PPP1R12B: variants seen among roughly 807,000 people sequenced by gnomAD.
The protein encoded by PPP1R12B is myosin phosphatase target subunit 2.
PPP1R12B carries 76 observed loss-of-function variants against 126.1 expected under a neutral mutation model. The observed-to-expected ratio is 0.60, with a 90% CI of 0.50 to 0.73. PPP1R12B has a LOEUF of 0.73. Among genes scored for constraint, PPP1R12B ranks in the 30% least tolerant of loss-of-function variants. The probability of loss-of-function intolerance (pLI) is 0.00; values close to 1 mark genes in which losing one functional copy is unlikely to be tolerated. For synonymous variants in PPP1R12B, 356 were observed against 434.7 expected (o/e 0.82, Z 2.25); for missense variants, 1,052 against 1,205.1 (o/e 0.87, Z 1.88).
chr1:202,463,350 A>G (rs1042316098), intron 13 of PPP1R12B, among the ~76,000 whole-genome samples: 1 of 152,234 alleles, frequency 6.6e-6, no homozygotes. Context: ...AGTTTCAAGA[A>G]GTAGAAACAT....
chr1:202,569,021 A>G, intron 22 of PPP1R12B, 126 bp from the exon 23 acceptor site: 1 of 944,004 alleles, frequency 1.1e-6, no homozygotes, highest in African/African-American at 1.6e-5. Flanking sequence ...CTCCTGAGTA[A>G]GGTTTGCCTG....
chr1:202,587,537 C>T lies in PPP1R12B; in HGVS notation c.*6977C>T, dbSNP rs1689890700. The T allele has an allele frequency of 6.6e-6, 1 of 152,102 alleles. No individual in the cohort carries two copies. The allele number at this position is 152,102 out of a possible 1,614,324, so 9.4% of individuals were successfully genotyped here. A position where few individuals can be genotyped will look rare whatever the true frequency, so the allele number is the denominator to read the frequency against. On this transcript the variant is annotated 3_prime_UTR_variant, in exon 24 of 24. Transcript: ENST00000608999. ...AGCTTAAAACAGAAGTGTGTCTTCCCAGCACAAACCTAATCAATCAGTGTA... is the reference window on the plus strand; with the variant it reads ...AGCTTAAAACAGAAGTGTGTCTTCCTAGCACAAACCTAATCAATCAGTGTA...
At chr1:202,429,433 C>T (rs1419789123) in intron 6 of PPP1R12B, among the ~76,000 whole-genome samples, 2 of 152,158 alleles carry the variant, frequency 1.3e-5, no homozygotes, top group East Asian at 3.8e-4. Context: ...CATACTTACT[C>T]CAGTTTTATG....
At chr1:202,349,274 C>G (rs1251257644) in intron 1 of PPP1R12B, 132 bp downstream of exon 1, 1 of 1,100,836 alleles carries the variant, frequency 9.1e-7, no homozygotes, top group Non-Finnish European at 1.3e-6. Flanking sequence ...TTGGGCTAAT[C>G]GGTTTCATTC....
At chr1:202,438,389 C>A in intron 10 of PPP1R12B, 1 of 662,502 alleles carries the variant, frequency 1.5e-6, no homozygotes, top group Non-Finnish European at 2.4e-6. Context: ...CCCGTCCCCC[C>A]AGCGGCATGG....
chr1:202,382,601 G>A (rs1662512260), intron 1 of PPP1R12B, among the ~76,000 whole-genome samples: 1 of 151,954 alleles, frequency 6.6e-6, no homozygotes, highest in Non-Finnish European at 1.5e-5. Flanking sequence ...CTGTGGCTGG[G>A]CATGGTGGCT....
rs182737566 is a variant in PPP1R12B, at chr1:202,587,272, T to G, written c.*6712T>G. On this transcript the variant is annotated 3_prime_UTR_variant, in exon 24 of 24. Transcript: ENST00000608999. ...TTCTTAATTCCTTGCTTTTCTCACTTGGAGCCGAGGGTGCTTTAGAGAGGT... is the reference window on the plus strand; with the variant it reads ...TTCTTAATTCCTTGCTTTTCTCACTGGGAGCCGAGGGTGCTTTAGAGAGGT... 2.6e-5 allele frequency: 4 copies of G among 152,328 alleles called. No homozygotes were observed. Among genetic ancestry groups the G allele is most frequent in the African/African-American group, 9.6e-5 (4 of 41,556 alleles). The allele number at this position is 152,328 out of a possible 1,614,324, so 9.4% of individuals were successfully genotyped here. A position where few individuals can be genotyped will look rare whatever the true frequency, so the allele number is the denominator to read the frequency against.
chr1:202,547,560 A>G (rs1352512915), intron 18 of PPP1R12B, among the ~76,000 whole-genome samples: 1 of 152,228 alleles, frequency 6.6e-6, no homozygotes, highest in African/African-American at 2.4e-5. Flanking sequence ...ATAAAATTGC[A>G]AGTGGCTATT....
intron 15 of PPP1R12B, among the ~76,000 whole-genome samples, chr1:202,494,205 T>G (rs1233627646): frequency 6.6e-6 from 1 of 152,230 alleles, no homozygotes; most frequent in Non-Finnish European, 1.5e-5. Context: ...GTATTTTGTT[T>G]TATAAGCTAC....
chr1:202,580,064 C>T (rs1450006579), intron 23 of PPP1R12B, among the ~76,000 whole-genome samples: 3 of 152,120 alleles, frequency 2.0e-5, no homozygotes, highest in Non-Finnish European at 2.9e-5. Flanking sequence ...TGACCACCAC[C>T]CCCTTTCTGA....
At chr1:202,371,963 C>T (rs1417007819) in intron 1 of PPP1R12B, among the ~76,000 whole-genome samples, 1 of 151,106 alleles carries the variant, frequency 6.6e-6, no homozygotes, top group African/African-American at 2.4e-5. Flanking sequence ...CCTCTGCCTC[C>T]CAGGTTCAAG....
rs572136346 is a variant in PPP1R12B, at chr1:202,374,984, C to T, written c.291+25842C>T. ...TTTAGACAGAGGCTCGTTCTGTCGC[C>T]CAGGCCGAAGTGAGATGGTGCGATC... is the stretch of plus-strand genomic sequence containing the variant. On this transcript the variant is annotated intron_variant, in intron 1 of 23. Coordinates refer to ENST00000608999, the MANE Select transcript of PPP1R12B (RefSeq NM_002481.4). Among the ~76,000 whole-genome samples, 5 of 152,258 alleles carry T rather than the reference C, an allele frequency of 3.3e-5. No homozygotes were observed. The East Asian group carries it at 9.6e-4, about 29-fold the overall frequency.
chr1:202,532,904 A>G (rs1684119974), intron 18 of PPP1R12B, among the ~76,000 whole-genome samples: 4 of 113,764 alleles, frequency 3.5e-5, no homozygotes, highest in Non-Finnish European at 4.9e-5. Context: ...AGTTTCACTC[A>G]TGTTGCCCAG....
At chr1:202,469,257 T>G (rs559344866) in intron 13 of PPP1R12B, among the ~76,000 whole-genome samples, 39 of 152,328 alleles carry the variant, frequency 2.6e-4, no homozygotes, top group African/African-American at 9.1e-4. Context: ...TTTTTTTTGT[T>G]ATAATCTACA....
chr1:202,539,186 C>G (rs894740117), intron 18 of PPP1R12B, among the ~76,000 whole-genome samples: 3 of 152,160 alleles, frequency 2.0e-5, no homozygotes, highest in African/African-American at 7.2e-5. Context: ...GTATTCGGAG[C>G]AATCAGCCTT....
rs1306965226 is a variant in PPP1R12B, at chr1:202,467,801, C to T, written c.1850+18630C>T. On this transcript the variant is annotated intron_variant, in intron 13 of 23. Coordinates refer to ENST00000608999, the MANE Select transcript of PPP1R12B (RefSeq NM_002481.4). ...CTAGATCCCTGAGGAATCACCACAC[C>T]GACTTCCACAATGGCTGAACTAGTT... Among the ~76,000 whole-genome samples, 22 of 152,110 alleles carry T rather than the reference C, an allele frequency of 1.4e-4. No homozygotes were observed. In the East Asian group the frequency reaches 1.7e-3, roughly 12 times the overall value.
chr1:202,499,152 G>A (rs1050164070), intron 18 of PPP1R12B, among the ~76,000 whole-genome samples: 3 of 152,076 alleles, frequency 2.0e-5, no homozygotes, highest in South Asian at 2.1e-4. Flanking sequence ...CATCATTAAC[G>A]CTCAAGAATA....
intron 1 of PPP1R12B, among the ~76,000 whole-genome samples, chr1:202,408,148 T>A (rs1486694885): frequency 2.0e-5 from 3 of 152,148 alleles, no homozygotes; most frequent in African/African-American, 4.8e-5. Flanking sequence ...GAGGGACAGC[T>A]GTATAATTTC....
intron 23 of PPP1R12B, chr1:202,575,678 A>G (rs1171422201): frequency 6.6e-6 from 1 of 152,340 alleles, no homozygotes; most frequent in African/African-American, 2.4e-5. Flanking sequence ...GGTATATTTT[A>G]AACATATACA....
Sources: allele counts gnomAD v4.1 joint callset (sites outside exome capture counted in the v4.1 genomes callset), GRCh38; gene constraint gnomAD v4.1.1; transcripts MANE v1.5; gene names NCBI Gene and HGNC (gene_info 2026-07-23, HGNC 2026-07-21).